The following ATRNL1 variants were observed in gnomAD, a reference collection of about 807,000 sequenced individuals.
The protein encoded by ATRNL1 is attractin like 1, also known as attractin-like protein 1.
A neutral mutation model predicts 182.7 loss-of-function variants in ATRNL1; 95 were observed. That is an observed-to-expected ratio of 0.52 (90% CI 0.44 to 0.62). The LOEUF (loss-of-function observed/expected upper bound fraction) is 0.62, where lower values mean the gene tolerates loss of function less well. Among genes scored for constraint, ATRNL1 ranks in the 20% least tolerant of loss-of-function variants. The pLI is 0.00. For synonymous variants in ATRNL1, 576 were observed against 568.3 expected (o/e 1.01, Z -0.19); for missense variants, 1,471 against 1,679.5 (o/e 0.88, Z 2.17).
chr10:115,617,475 T>G (rs1393832470), intron 26 of ATRNL1, among the ~76,000 whole-genome samples: 2 of 152,138 alleles, frequency 1.3e-5, no homozygotes, highest in Admixed American at 6.5e-5. Flanking sequence ...TTCTAGTGCC[T>G]CAGCCTCCCA....
At chr10:115,682,702 A>G (rs766277523) in intron 26 of ATRNL1, among the ~76,000 whole-genome samples, 10 of 147,154 alleles carry the variant, frequency 6.8e-5, no homozygotes, top group African/African-American at 1.6e-4. Context: ...TGATGATGAT[A>G]GAAGAGCCAG....
chr10:115,132,877 A>G (rs1220219685), intron 5 of ATRNL1, among the ~76,000 whole-genome samples: 2 of 152,134 alleles, frequency 1.3e-5, no homozygotes, highest in East Asian at 1.9e-4. Context: ...CCCATTCTGT[A>G]GGTTGCGTTT....
chr10:115,394,835 G>GT, intron 20 of ATRNL1, 83 bp downstream of exon 20: 1 of 1,074,872 alleles, frequency 9.3e-7, no homozygotes, highest in South Asian at 1.6e-5. Flanking sequence ...TTTTAATTTA[G>GT]TGTTGTGCTA....
At chr10:115,465,457 T>C (rs1163355433) in intron 22 of ATRNL1, among the ~76,000 whole-genome samples, 2 of 151,738 alleles carry the variant, frequency 1.3e-5, no homozygotes, top group African/African-American at 4.8e-5. Flanking sequence ...GTTATTTTTC[T>C]GGCCTTCCAT....
chr10:115,132,427 A>G (rs1163381290), intron 5 of ATRNL1, among the ~76,000 whole-genome samples: 3 of 152,102 alleles, frequency 2.0e-5, no homozygotes, highest in Non-Finnish European at 2.9e-5. Context: ...ATGATTTATA[A>G]TCCTTTGGGT....
chr10:115,646,958 C>T (rs1313778433), intron 26 of ATRNL1, among the ~76,000 whole-genome samples: 7 of 127,726 alleles, frequency 5.5e-5, no homozygotes, highest in Non-Finnish European at 8.3e-5. Flanking sequence ...CCCCTCCCCC[C>T]ACCCCACAAC....
In ATRNL1 at chr10:115,207,151, A is replaced by C. The variant is rs191087015; in HGVS notation, c.1349-8546A>C. On this transcript the variant is annotated intron_variant, in intron 8 of 28. Coordinates refer to ENST00000355044, the MANE Select transcript of ATRNL1 (RefSeq NM_207303.4). ...GTGAATAGTGCCACAATAAACATAC[A>C]TGTGCATGTGTCTTTATAGTAGCAT... Among the ~76,000 whole-genome samples the C allele has an allele frequency of 5.3e-4, 81 of 152,186 alleles. 1 individual carries two copies. Among genetic ancestry groups the C allele is most frequent in the Non-Finnish European group, 2.4e-4 (16 of 68,002 alleles).
chr10:115,797,686 AGT>A (rs1565387553), intron 27 of ATRNL1, among the ~76,000 whole-genome samples: 1 of 152,148 alleles, frequency 6.6e-6, no homozygotes, highest in Non-Finnish European at 1.5e-5. Flanking sequence ...AAAGCAGGAA[AGT>A]GGGGTTTGGA....
intron 28 of ATRNL1, among the ~76,000 whole-genome samples, chr10:115,927,214 A>T (rs782675180): frequency 1.2e-4 from 19 of 152,262 alleles, no homozygotes; most frequent in Non-Finnish European, 2.5e-4. Flanking sequence ...AAAATTCAAC[A>T]TCCCTTCATG....
chr10:115,382,773 A>C (rs115609996), intron 19 of ATRNL1, among the ~76,000 whole-genome samples: 1,765 of 151,196 alleles, frequency 0.012, 33 homozygotes, highest in African/African-American at 0.039. Context: ...AAGAGCAGGC[A>C]TCCATGTCTC....
At chr10:115,304,826 G>A (rs781859381) in intron 17 of ATRNL1, among the ~76,000 whole-genome samples, 16 of 152,106 alleles carry the variant, frequency 1.1e-4, no homozygotes, top group Non-Finnish European at 2.2e-4. Context: ...GGTGGGAATC[G>A]CCATGTTGAG....
intron 21 of ATRNL1, among the ~76,000 whole-genome samples, chr10:115,439,559 C>T (rs1255855609): frequency 6.6e-6 from 1 of 151,850 alleles, no homozygotes; most frequent in Non-Finnish European, 1.5e-5. Flanking sequence ...TGTATTGATA[C>T]TCTGTGTTAG....
intron 26 of ATRNL1, among the ~76,000 whole-genome samples, chr10:115,581,072 T>G (rs1320776060): frequency 6.6e-6 from 1 of 152,170 alleles, no homozygotes; most frequent in Non-Finnish European, 1.5e-5. Flanking sequence ...ATTCGGAGCA[T>G]ATTTCTTTGT....
chr10:115,463,627 C>T (rs1847919158), intron 22 of ATRNL1, among the ~76,000 whole-genome samples: 2 of 152,100 alleles, frequency 1.3e-5, no homozygotes, highest in South Asian at 4.1e-4. Context: ...TTATCCCTAA[C>T]AGAAACTCTG....
chr10:115,508,070 G>A (rs1225565566), intron 24 of ATRNL1, among the ~76,000 whole-genome samples: 2 of 151,982 alleles, frequency 1.3e-5, no homozygotes, highest in East Asian at 1.9e-4. Context: ...CCAATATCAT[G>A]TACTCACTTT....
intron 24 of ATRNL1, among the ~76,000 whole-genome samples, chr10:115,491,930 C>A (rs1849318372): frequency 6.6e-6 from 1 of 152,288 alleles, no homozygotes; most frequent in Middle Eastern, 3.4e-3. Context: ...GTGGGAAACG[C>A]ACAGTATTTG....
chr10:115,540,601 A>G lies in ATRNL1; in HGVS notation c.3717-8857A>G, dbSNP rs572323884. On this transcript the variant is annotated intron_variant, in intron 25 of 28. Transcript: ENST00000355044. ...ATAGTGAAACCCCATCTCTACTAAAAATACAAAAATTAGTCAGGAGTGGTA... is the reference window on the plus strand; with the variant it reads ...ATAGTGAAACCCCATCTCTACTAAAGATACAAAAATTAGTCAGGAGTGGTA... 2.6e-5 allele frequency among the ~76,000 whole-genome samples: 4 copies of G among 152,002 alleles called. No individual in the cohort carries two copies. The South Asian group carries it at 6.2e-4, about 24-fold the overall frequency.
At chr10:115,526,026 A>G (rs1851197703) in intron 25 of ATRNL1, among the ~76,000 whole-genome samples, 1 of 152,168 alleles carries the variant, frequency 6.6e-6, no homozygotes, top group Non-Finnish European at 1.5e-5. Flanking sequence ...AAGTGGTGAC[A>G]GTTTGTGAGG....
chr10:115,488,555 A>T (rs1849140820), intron 24 of ATRNL1, among the ~76,000 whole-genome samples: 1 of 152,076 alleles, frequency 6.6e-6, no homozygotes, highest in Admixed American at 6.6e-5. Context: ...TTTCTGTGGG[A>T]TCGGTGGTGA....
Sources: gnomAD v4.1 joint callset for allele counts (sites outside exome capture counted in the v4.1 genomes callset) on GRCh38, gnomAD v4.1.1 for gene constraint, MANE v1.5 for transcripts, NCBI Gene and HGNC (gene_info 2026-07-23, HGNC 2026-07-21) for gene names.